The following PACSIN1 variants were observed in gnomAD, a reference collection of about 807,000 sequenced individuals.
PACSIN1 encodes the protein protein kinase C and casein kinase substrate in neurons protein 1.
Under a neutral mutation model 59.5 loss-of-function variants are expected in PACSIN1, and 15 were observed. That is an observed-to-expected ratio of 0.25 (90% CI 0.17 to 0.39). The LOEUF (loss-of-function observed/expected upper bound fraction) is 0.39. Among genes scored for constraint, PACSIN1 ranks in the 10% least tolerant of loss-of-function variants. PACSIN1 has a pLI of 1.00. For synonymous variants in PACSIN1, 210 were observed against 220.6 expected (o/e 0.95, Z 0.42); for missense variants, 420 against 580.2 (o/e 0.72, Z 2.84).
In PACSIN1 at chr6:34,521,976, G is replaced by A. The variant is rs183287774; in HGVS notation, c.-63-4267G>A. On this transcript the variant is annotated intron_variant, in intron 1 of 9. Transcript: ENST00000244458. This position sits in a 1 kb window ranked among gnomAD's most constrained non-coding sequence, Gnocchi z 4.3. ...CCTACTCTGCGCTGCACAGGCCCCA[G>A]GGTCAAGTCCTTACTCTGCCACCTG... is the stretch of plus-strand genomic sequence containing the variant. Among the ~76,000 whole-genome samples, 1 of 152,324 alleles carries A rather than the reference G, an allele frequency of 6.6e-6. No homozygotes were observed. The highest frequency in any genetic ancestry group is 2.4e-5 in the African/African-American group (1 of 41,564).
intron 1 of PACSIN1, among the ~76,000 whole-genome samples, chr6:34,498,341 C>T (rs201931177): frequency 6.6e-6 from 1 of 152,070 alleles, no homozygotes; most frequent in East Asian, 1.9e-4. Context: ...ATTACAGGCA[C>T]GAGCCACCGC....
chr6:34,515,749 G>A lies in PACSIN1; in HGVS notation c.-63-10494G>A, dbSNP rs139302381. On this transcript the variant is annotated intron_variant, in intron 1 of 9. Transcript: ENST00000244458. The surrounding 1 kb of genome is among the most constrained non-coding windows in gnomAD (Gnocchi z 4.4). ...TCCAAGTTGGGGTACCAGGGAGCAGGCCTCTGATGGGGTGGGAGTGCCTGT... is the reference window on the plus strand; with the variant it reads ...TCCAAGTTGGGGTACCAGGGAGCAGACCTCTGATGGGGTGGGAGTGCCTGT... Among the ~76,000 whole-genome samples the A allele has an allele frequency of 3.5e-3, 534 of 152,332 alleles. 2 individuals are homozygous for A. The highest frequency in any genetic ancestry group is 0.012 in the African/African-American group (504 of 41,574).
rs544743571 is a variant in PACSIN1 at position 34,497,824 on chromosome 6, C to T, written c.-63-28419C>T. Among the ~76,000 whole-genome samples, 5 of 152,266 alleles carry T rather than the reference C, an allele frequency of 3.3e-5. No homozygotes were observed. The East Asian group carries it at 9.7e-4, about 29-fold the overall frequency. On this transcript the variant is annotated intron_variant, in intron 1 of 9. Coordinates refer to ENST00000244458, the MANE Select transcript of PACSIN1 (RefSeq NM_020804.5). Reference sequence around the variant, plus strand: ...TAGGGCTAGAATCTCCCAAAGTCCCCACTGGGCCCAGTGTATACCCTATTC... The same window carrying T: ...TAGGGCTAGAATCTCCCAAAGTCCCTACTGGGCCCAGTGTATACCCTATTC...
chr6:34,507,826 A>C (rs1490078772), intron 1 of PACSIN1, among the ~76,000 whole-genome samples: 1 of 152,184 alleles, frequency 6.6e-6, no homozygotes, highest in African/African-American at 2.4e-5. Flanking sequence ...TGACTGACTT[A>C]TTTAAGTTAT....
intron 1 of PACSIN1, among the ~76,000 whole-genome samples, chr6:34,493,042 G>A (rs558512805): frequency 2.0e-5 from 3 of 152,350 alleles, no homozygotes; most frequent in African/African-American, 4.8e-5. Context: ...ACAGGCCTCA[G>A]TTGATCCCAT....
intron 1 of PACSIN1, among the ~76,000 whole-genome samples, chr6:34,467,539 T>C (rs1296307938): frequency 6.6e-6 from 1 of 150,546 alleles, no homozygotes; most frequent in Non-Finnish European, 1.5e-5. Context: ...GTGGTTCTCT[T>C]TAGTAGGCCC....
At chr6:34,498,812 A>AT (rs1441214317) in intron 1 of PACSIN1, among the ~76,000 whole-genome samples, 2 of 151,486 alleles carry the variant, frequency 1.3e-5, no homozygotes, top group African/African-American at 2.4e-5. Flanking sequence ...AAAAAAAAAA[A>AT]AAAAAGTGTC....
In PACSIN1 at chr6:34,529,680, T is replaced by C; in HGVS notation, c.627T>C (p.Tyr209=). 6.2e-7 allele frequency: 1 copy of C among 1,613,274 alleles called. No individual in the cohort carries two copies. Among genetic ancestry groups the C allele is most frequent in the South Asian group, 1.1e-5 (1 of 91,064 alleles). The change falls in exon 6 of 10, where the codon TAT becomes TAC. Residue 209 remains tyrosine, a synonymous_variant. Coordinates refer to ENST00000244458, the MANE Select transcript of PACSIN1 (RefSeq NM_020804.5). The surrounding 1 kb of genome is among the most constrained non-coding windows in gnomAD (Gnocchi z 6.3). ...KQDVQKTQEK[Y]EKVLEDVGKT... ...GGTGCCCACAGACACAGGAGAAGTA[T>C]GAGAAAGTGCTGGAAGATGTGGGCA...
Position 34,534,411 on chromosome 6 carries a change from C to A in PACSIN1, c.*1881C>A, listed in dbSNP as rs1767656748. ...GCTGCAGCCTGAGGTGTGTCCTGGG[C>A]TCCTCAGAGCCTGAAGCAAGCTTTT... On this transcript the variant is annotated 3_prime_UTR_variant, in exon 10 of 10. Transcript: ENST00000244458. 6.5e-6 allele frequency: 1 copy of A among 152,784 alleles called. No homozygotes were observed. The highest frequency in any genetic ancestry group is 2.4e-5 in the African/African-American group (1 of 41,452). The allele number at this position is 152,784 out of a possible 1,614,324, so 9.5% of individuals were successfully genotyped here.
chr6:34,531,844 T>G lies in PACSIN1; in HGVS notation c.1225+57T>G. The G allele has an allele frequency of 6.7e-7, 1 of 1,488,122 alleles. No homozygotes were observed. The highest frequency in any genetic ancestry group is 2.1e-5 in the Admixed American group (1 of 46,606). The allele number at this position is 1,488,122 out of a possible 1,614,324, so 92.2% of individuals were successfully genotyped here. On this transcript the variant is annotated intron_variant, in intron 9 of 9. Transcript: ENST00000244458. The surrounding 1 kb of genome is among the most constrained non-coding windows in gnomAD (Gnocchi z 4.4). Reference sequence around the variant, plus strand: ...GAGGCTTGGGCCTGGATTGGGTGTGTGGTGGTGCAGGGGCGGTGCCTGAGA... The same window carrying G: ...GAGGCTTGGGCCTGGATTGGGTGTGGGGTGGTGCAGGGGCGGTGCCTGAGA...
chr6:34,467,559 T>TC (rs1340886970), intron 1 of PACSIN1, among the ~76,000 whole-genome samples: 3 of 144,196 alleles, frequency 2.1e-5, no homozygotes, highest in Non-Finnish European at 3.0e-5. Context: ...CTTCCTTTTT[T>TC]TTTTTTTTTT....
At position 34,514,673 on chromosome 6, in the gene PACSIN1, T is replaced by C. The variant is rs1433873968; in HGVS notation, c.-63-11570T>C. On this transcript the variant is annotated intron_variant, in intron 1 of 9. Transcript: ENST00000244458. This position sits in a 1 kb window ranked among gnomAD's most constrained non-coding sequence, Gnocchi z 4.4. ...CACCAGCGTCTCTGTGGCCGTGAAG[T>C]GTATGCATGCGTGCCCATGTTGATG... 6.6e-6 allele frequency among the ~76,000 whole-genome samples: 1 copy of C among 151,886 alleles called. No homozygotes were observed. The highest frequency in any genetic ancestry group is 1.5e-5 in the Non-Finnish European group (1 of 67,960).
chr6:34,519,956 T>A (rs993817838), intron 1 of PACSIN1, among the ~76,000 whole-genome samples: 5 of 151,998 alleles, frequency 3.3e-5, no homozygotes, highest in African/African-American at 1.2e-4. Context: ...TGCCTAAGAA[T>A]GGCACCACAG....
chr6:34,481,376 C>T (rs949174556), intron 1 of PACSIN1, among the ~76,000 whole-genome samples: 4 of 152,070 alleles, frequency 2.6e-5, no homozygotes, highest in South Asian at 2.1e-4. Flanking sequence ...TACGTTCACA[C>T]GGGTTTTTGA....
chr6:34,471,360 T>G (rs1206597094), intron 1 of PACSIN1, among the ~76,000 whole-genome samples: 1 of 152,210 alleles, frequency 6.6e-6, no homozygotes, highest in Non-Finnish European at 1.5e-5. Flanking sequence ...TAGATACTTG[T>G]TTGAAGTTGA....
At chr6:34,469,561 C>A (rs1235037045) in intron 1 of PACSIN1, among the ~76,000 whole-genome samples, 1 of 152,196 alleles carries the variant, frequency 6.6e-6, no homozygotes, top group Non-Finnish European at 1.5e-5. Context: ...GCCCAACAGG[C>A]AACAGGGTGC....
At chr6:34,469,507 G>A (rs1426951988) in intron 1 of PACSIN1, among the ~76,000 whole-genome samples, 1 of 152,212 alleles carries the variant, frequency 6.6e-6, no homozygotes, top group African/African-American at 2.4e-5. Flanking sequence ...TGGAAAGCAG[G>A]GAAGGAAGTG....
At position 34,534,832 on chromosome 6, in the gene PACSIN1, C is replaced by A. The variant is rs1370126126; in HGVS notation, c.*2302C>A. ...GAGCTCCAGGGCCCAGCCCTACCTG[C>A]CAGTGCTGGTGTCAGGGCACTCAAC... On this transcript the variant is annotated 3_prime_UTR_variant, in exon 10 of 10. Coordinates refer to ENST00000244458, the MANE Select transcript of PACSIN1 (RefSeq NM_020804.5). 2.6e-5 allele frequency: 4 copies of A among 152,804 alleles called. No homozygotes were observed. The allele number at this position is 152,804 out of a possible 1,614,324, so 9.5% of individuals were successfully genotyped here. A position where few individuals can be genotyped will look rare whatever the true frequency, so the allele number is the denominator to read the frequency against.
In PACSIN1 at chr6:34,532,146, C is replaced by T. The variant is rs117541366; in HGVS notation, c.1226-275C>T. On this transcript the variant is annotated intron_variant, in intron 9 of 9. Coordinates refer to ENST00000244458, the MANE Select transcript of PACSIN1 (RefSeq NM_020804.5). The surrounding 1 kb of genome is among the most constrained non-coding windows in gnomAD (Gnocchi z 5.2). ...GATTGGTTGGTGCCAGGGGCGGAGTCAGAACCTGAGAATAGTGTGGATGCG... is the reference window on the plus strand; with the variant it reads ...GATTGGTTGGTGCCAGGGGCGGAGTTAGAACCTGAGAATAGTGTGGATGCG... Among the ~76,000 whole-genome samples the T allele has an allele frequency of 5.9e-5, 9 of 152,144 alleles. No individual in the cohort carries two copies. The East Asian group carries it at 7.7e-4, about 13-fold the overall frequency.
Sources: allele counts gnomAD v4.1 joint callset (sites outside exome capture counted in the v4.1 genomes callset), GRCh38; gene constraint gnomAD v4.1.1; non-coding constraint Gnocchi (gnomAD v3.1); transcripts MANE v1.5; gene names NCBI Gene and HGNC (gene_info 2026-07-23, HGNC 2026-07-21).